Variants in DNAH9 observed in about 807,000 individuals in gnomAD.
DNAH9 encodes DNAH9 variant protein.
Under a neutral mutation model 471.6 loss-of-function variants are expected in DNAH9, and 345 were observed. The observed-to-expected ratio is 0.73, with a 90% CI of 0.67 to 0.80. The LOEUF (loss-of-function observed/expected upper bound fraction) is 0.80, where lower values mean the gene tolerates loss of function less well. Ranked by LOEUF, DNAH9 falls within the 30% of genes least tolerant of loss-of-function variation. The pLI, the probability that DNAH9 is intolerant of heterozygous loss-of-function variation, is 0.00. For missense variants in DNAH9, 5,407 were observed against 5,609.2 expected, an observed-to-expected ratio of 0.96 and a Z score of 1.15; for synonymous variants, 2,093 against 2,123.6, an observed-to-expected ratio of 0.99 and a Z score of 0.40.
chr17:11,843,896 TAGAG>T lies in DNAH9; in HGVS notation c.9507+9008_9507+9011del, dbSNP rs557804957. On this transcript the variant is annotated intron_variant, in intron 49 of 68. Transcript: ENST00000262442. ...ATATATATATATATATATATACACA[TAGAG>T]AGAGAGAGAATAATAGAGAGACATA... 4.1e-3 allele frequency among the ~76,000 whole-genome samples: 545 copies of T among 133,456 alleles called. 4 individuals are homozygous for T. Among genetic ancestry groups the T allele is most frequent in the South Asian group, 0.011 (44 of 4,144 alleles). The allele number at this position is 133,456 out of a possible 152,430, so 87.6% of individuals were successfully genotyped here. A position where few individuals can be genotyped will look rare whatever the true frequency, so the allele number is the denominator to read the frequency against.
chr17:11,708,000 CACACACACACACACAG>C (rs1459396289), intron 26 of DNAH9, among the ~76,000 whole-genome samples: 266 of 51,218 alleles, frequency 5.2e-3, no homozygotes, highest in African/African-American at 8.9e-3. Context: ...CACACACACA[CACACACACACACACAG>C]AGAGAGAGAG....
intron 41 of DNAH9, among the ~76,000 whole-genome samples, chr17:11,788,764 C>T (rs761788941): frequency 6.6e-6 from 1 of 152,082 alleles, no homozygotes; most frequent in South Asian, 2.1e-4. Flanking sequence ...GGCTACAACT[C>T]AAGTACAATG....
intron 49 of DNAH9, among the ~76,000 whole-genome samples, chr17:11,836,537 C>T (rs776696829): frequency 2.0e-5 from 3 of 152,050 alleles, no homozygotes; most frequent in African/African-American, 4.8e-5. Flanking sequence ...AGGTGTGACC[C>T]GGCTGTACCA....
chr17:11,742,031 A>G (rs2075440147), intron 29 of DNAH9, 144 bp from the exon 30 acceptor site: 1 of 681,666 alleles, frequency 1.5e-6, no homozygotes, highest in Non-Finnish European at 2.6e-6. Flanking sequence ...GTCTTAGATG[A>G]AATAATGGCT....
intron 17 of DNAH9, among the ~76,000 whole-genome samples, chr17:11,678,302 C>T (rs183527910): frequency 1.0e-3 from 153 of 152,210 alleles, no homozygotes; most frequent in South Asian, 3.5e-3. Flanking sequence ...GTGATCTATC[C>T]GCCTCGGCCT....
chr17:11,959,672 G>A (rs540428128), intron 67 of DNAH9, among the ~76,000 whole-genome samples: 70 of 152,232 alleles, frequency 4.6e-4, no homozygotes, highest in Non-Finnish European at 8.5e-4. Flanking sequence ...CATCAAATTC[G>A]GGTTTGGTTG....
chr17:11,664,364 C>T (rs1022831684), intron 14 of DNAH9, among the ~76,000 whole-genome samples: 1 of 151,984 alleles, frequency 6.6e-6, no homozygotes, highest in Non-Finnish European at 1.5e-5. Flanking sequence ...GATTGAATGC[C>T]AACTGCAAAA....
chr17:11,891,906 G>A lies in DNAH9; in HGVS notation c.11242G>A (p.Glu3748Lys), dbSNP rs1363404678. 1.9e-6 allele frequency: 3 copies of A among 1,614,096 alleles called. No homozygotes were observed. The highest frequency in any genetic ancestry group is 2.5e-6 in the Non-Finnish European group (3 of 1,179,988). Residue 3748 changes from glutamate to lysine, a missense_variant, in exon 58 of 69, where the codon GAG (glutamate) becomes AAG (lysine). Glu to Lys is a moderately conservative substitution (Grantham distance 56). Around this residue, in one of 3 missense-constraint regions of DNAH9, gnomAD observed 4,636 missense variants for 4,900.3 expected, o/e 0.95. Coordinates refer to ENST00000262442, the MANE Select transcript of DNAH9 (RefSeq NM_001372.4). ...CCAGTACACCATCCGCGGGCTCTTT[G>A]AGTGTGATAAGCTGACCTACCTTGC... ...VYQYTIRGLF[E>K]CDKLTYLAQL...
chr17:11,625,997 G>A (rs2072962379), intron 6 of DNAH9, among the ~76,000 whole-genome samples: 1 of 152,200 alleles, frequency 6.6e-6, no homozygotes, highest in Non-Finnish European at 1.5e-5. Context: ...CTACAGGTTA[G>A]GAAAGTGAGG....
chr17:11,742,441 C>A, intron 30 of DNAH9, 128 bp downstream of exon 30: 2 of 889,216 alleles, frequency 2.2e-6, no homozygotes, highest in Non-Finnish European at 3.4e-6. Context: ...TACCCATAAG[C>A]ATGTCGAAAC....
At chr17:11,948,525 C>T (rs906481854) in intron 67 of DNAH9, among the ~76,000 whole-genome samples, 3 of 152,224 alleles carry the variant, frequency 2.0e-5, no homozygotes, top group Admixed American at 6.5e-5. Flanking sequence ...CCACCGCACC[C>T]GGCCTCCTCT....
At position 11,797,641 on chromosome 17, in the gene DNAH9, T is replaced by C; in HGVS notation, c.8268T>C (p.Tyr2756=). The change falls in exon 43 of 69, where the codon TAT becomes TAC. Residue 2756 remains tyrosine, a synonymous_variant. Transcript: ENST00000262442. ...PVEQTQSPNL[Y]CHFANGIGEP... ...AGCAGACCCAAAGCCCGAACCTGTA[T>C]TGTCACTTTGCAAATGGTATTGGGG... The C allele has an allele frequency of 6.2e-7, 1 of 1,614,146 alleles. No individual in the cohort carries two copies. Among genetic ancestry groups the C allele is most frequent in the African/African-American group, 1.3e-5 (1 of 75,056 alleles).
intron 50 of DNAH9, among the ~76,000 whole-genome samples, chr17:11,865,405 G>T (rs563499241): frequency 1.3e-4 from 20 of 151,812 alleles, no homozygotes; most frequent in African/African-American, 3.6e-4. Context: ...AGTCTGATGG[G>T]CTTCCCTTTG....
At chr17:11,801,272 A>T (rs963572919) in intron 43 of DNAH9, among the ~76,000 whole-genome samples, 3 of 152,112 alleles carry the variant, frequency 2.0e-5, no homozygotes, top group Non-Finnish European at 4.4e-5. Context: ...TTCTTCAAAT[A>T]TTTTTTTGTA....
At chr17:11,666,646 T>G (rs753650804) in intron 15 of DNAH9, among the ~76,000 whole-genome samples, 54 of 152,296 alleles carry the variant, frequency 3.5e-4, no homozygotes, top group Non-Finnish European at 6.6e-4. Context: ...AAGGGGCCTC[T>G]GAGAAGAAAA....
In DNAH9 at chr17:11,846,194, G is replaced by T. The variant is rs1418067778; in HGVS notation, c.9508-7809G>T. 4.2e-5 allele frequency among the ~76,000 whole-genome samples: 6 copies of T among 141,510 alleles called. No individual in the cohort carries two copies. In the East Asian group the frequency reaches 1.3e-3, roughly 30 times the overall value. 92.8% of individuals were successfully genotyped at this position (141,510 alleles called of 152,430 possible). ...TGATTTTTGTATAAGGTGTAAGGAA[G>T]GGATCCAGTTTCAGCTTTCTACATA... On this transcript the variant is annotated intron_variant, in intron 49 of 68. Coordinates refer to ENST00000262442, the MANE Select transcript of DNAH9 (RefSeq NM_001372.4).
At chr17:11,865,952 GC>G (rs1972037705) in intron 50 of DNAH9, among the ~76,000 whole-genome samples, 1 of 152,088 alleles carries the variant, frequency 6.6e-6, no homozygotes, top group Non-Finnish European at 1.5e-5. Context: ...TAACTTCTTT[GC>G]CTTTGGTTTG....
intron 61 of DNAH9, among the ~76,000 whole-genome samples, chr17:11,907,509 G>A (rs968928878): frequency 2.6e-5 from 4 of 151,960 alleles, no homozygotes; most frequent in Non-Finnish European, 4.4e-5. Flanking sequence ...AAAGGAGGGT[G>A]TAATGAGGCA....
intron 38 of DNAH9, among the ~76,000 whole-genome samples, chr17:11,775,595 CTTTTTTTTTTTT>C (rs71142246): frequency 3.3e-4 from 20 of 61,002 alleles, no homozygotes; most frequent in South Asian, 6.6e-4. Context: ...ATCAGATGTT[CTTTTTTTTTTTT>C]TTTTTTTTTT....
Sources: gnomAD v4.1 joint callset for allele counts (sites outside exome capture counted in the v4.1 genomes callset) on GRCh38, gnomAD v4.1.1 for gene constraint, gnomAD v4.1.1 regional missense constraint, MANE v1.5 for transcripts, NCBI Gene and HGNC (gene_info 2026-07-23, HGNC 2026-07-21) for gene names.